The following IFNA4 variants were observed in gnomAD, a reference collection of about 807,000 sequenced individuals.
IFNA4 encodes interferon alpha 4, also known as interferon alpha-4.
For synonymous variants in IFNA4, 84 were observed against 86.0 expected (o/e 0.98, Z 0.13); for missense variants, 225 against 214.9 (o/e 1.05, Z -0.29).
At chr9:21,186,989 C>T (rs757547363) in exon 1 of IFNA4, 19 of 1,611,928 alleles carry the variant, frequency 1.2e-5, no homozygotes, top group Non-Finnish European at 1.4e-5. Context: ...ATCTTTTTTG[C>T]AAGTTTGTTG....
At chr9:21,187,023 T>C in exon 1 of IFNA4, 1 of 1,614,188 alleles carries the variant, frequency 6.2e-7, no homozygotes, top group Non-Finnish European at 8.5e-7. Context: ...TCTCATGATT[T>C]CTGCTCTGAC....
At chr9:21,187,485 T>C in exon 1 of IFNA4, 1 of 1,613,522 alleles carries the variant, frequency 6.2e-7, no homozygotes, top group Non-Finnish European at 8.5e-7. Flanking sequence ...GATGGATTTG[T>C]AGCTGAGCAC....
exon 1 of IFNA4, chr9:21,186,818 A>T: frequency 7.4e-7 from 1 of 1,360,232 alleles, no homozygotes; most frequent in Non-Finnish European, 1.0e-6. Context: ...GTATACACCA[A>T]GCTTCTTCAC....
In IFNA4 at chr9:21,186,867, G is replaced by T. The variant is rs182833748; in HGVS notation, c.*95C>A. On this transcript the variant is annotated 3_prime_UTR_variant, in exon 1 of 1. Transcript: ENST00000421715. Reference sequence around the variant, plus strand: ...TTTGAAAATTTTGATTCAACTCGTGGTGGTTATAGAAGTGAGTCTTTGAAA... The same window carrying T: ...TTTGAAAATTTTGATTCAACTCGTGTTGGTTATAGAAGTGAGTCTTTGAAA... 37 of 1,571,674 alleles carry T rather than the reference G, an allele frequency of 2.4e-5. No homozygotes were observed. In the African/African-American group the frequency reaches 4.1e-4, roughly 18 times the overall value.
chr9:21,187,369 C>A (rs1176258142), exon 1 of IFNA4: 1 of 1,614,048 alleles, frequency 6.2e-7, no homozygotes, highest in Non-Finnish European at 8.5e-7. Context: ...TCATGTCTGT[C>A]CTTCAGGCAG....
exon 1 of IFNA4, chr9:21,187,521 G>C: frequency 6.2e-7 from 1 of 1,605,986 alleles, no homozygotes; most frequent in Non-Finnish European, 8.5e-7. Context: ...TAAAGAAAAG[G>C]ACAGGGCCAT....
chr9:21,187,387 G>T (rs1274382781), exon 1 of IFNA4: 1 of 1,614,046 alleles, frequency 6.2e-7, no homozygotes, highest in Non-Finnish European at 8.5e-7. Context: ...CAGGAGAAAT[G>T]AGAGATTCTT....
At chr9:21,186,955 C>A (rs1341800851) in exon 1 of IFNA4, 19 of 1,613,636 alleles carry the variant, frequency 1.2e-5, no homozygotes, top group Admixed American at 1.7e-5. Context: ...CCATGTTGAA[C>A]CAGGTTTCAA....
At chr9:21,186,771 C>A (rs1817907848) in exon 1 of IFNA4, 8 of 590,586 alleles carry the variant, frequency 1.4e-5, no homozygotes, top group Non-Finnish European at 1.9e-5. Context: ...ACAGAGACAT[C>A]AGCATTGTCA....
chr9:21,187,053 C>T, exon 1 of IFNA4: 1 of 1,614,126 alleles, frequency 6.2e-7, no homozygotes, highest in Non-Finnish European at 8.5e-7. Context: ...GGCACAAGGG[C>T]TGTATTTCTT....
exon 1 of IFNA4, chr9:21,186,867 G>A: frequency 6.4e-6 from 10 of 1,571,674 alleles, no homozygotes; most frequent in Non-Finnish European, 8.6e-6. Flanking sequence ...TCAACTCGTG[G>A]TGGTTATAGA....
exon 1 of IFNA4, chr9:21,187,174 C>T (rs1025530737): frequency 6.2e-7 from 1 of 1,613,532 alleles, no homozygotes; most frequent in Non-Finnish European, 8.5e-7. Flanking sequence ...ACACATGCTT[C>T]CAGGTCATTC....
exon 1 of IFNA4, chr9:21,187,381 A>G: frequency 6.2e-7 from 1 of 1,614,178 alleles, no homozygotes; most frequent in Non-Finnish European, 8.5e-7. Context: ...TTCAGGCAGG[A>G]GAAATGAGAG....
rs16938295 is a variant in IFNA4 at position 21,187,358 on chromosome 9, A to T, written c.174T>A (p.Asp58Glu). 5 of 1,614,058 alleles carry T rather than the reference A, an allele frequency of 3.1e-6. No individual in the cohort carries two copies. The African/African-American group carries it at 4.0e-5, about 13-fold the overall frequency. The stretch of plus-strand genomic sequence containing the variant: ...CAAACTCCTCCTCGGGGAATCCGAA[A>T]TCATGTCTGTCCTTCAGGCAGGAGA... The change falls in exon 1 of 1, where the codon GAT becomes GAA. Residue 58 changes from aspartate to glutamate, a missense_variant. By Grantham distance (45) the Asp-to-Glu change is conservative. Transcript: ENST00000421715.
chr9:21,187,243 A>G (rs1181044590), exon 1 of IFNA4: 4 of 1,611,652 alleles, frequency 2.5e-6, no homozygotes, highest in South Asian at 2.2e-5. Flanking sequence ...CAAGCAGCAG[A>G]TGAGTCCTCT....
exon 1 of IFNA4, chr9:21,186,811 T>A: frequency 8.0e-7 from 1 of 1,249,110 alleles, no homozygotes; most frequent in Non-Finnish European, 1.1e-6. Flanking sequence ...TGCACAGGTA[T>A]ACACCAAGCT....
exon 1 of IFNA4, chr9:21,186,879 G>A: frequency 6.3e-7 from 1 of 1,582,530 alleles, no homozygotes; most frequent in Non-Finnish European, 8.6e-7. Flanking sequence ...GGTTATAGAA[G>A]TGAGTCTTTG....
chr9:21,186,870 G>A (rs1321331059), exon 1 of IFNA4: 1 of 1,574,958 alleles, frequency 6.3e-7, no homozygotes. Context: ...ACTCGTGGTG[G>A]TTATAGAAGT....
exon 1 of IFNA4, chr9:21,186,889 G>A: frequency 1.3e-6 from 2 of 1,587,108 alleles, no homozygotes; most frequent in African/African-American, 1.4e-5. Flanking sequence ...GTGAGTCTTT[G>A]AAATGGAAGA....
Sources: gnomAD v4.1 joint callset for allele counts on GRCh38, gnomAD v4.1.1 for gene constraint, MANE v1.5 for transcripts, NCBI Gene and HGNC (gene_info 2026-07-23, HGNC 2026-07-21) for gene names.